Variants in BAZ1A observed in about 807,000 individuals in gnomAD.
The protein encoded by BAZ1A is bromodomain adjacent to zinc finger domain 1A, also known as bromodomain adjacent to zinc finger domain protein 1A.
A neutral mutation model predicts 185.2 loss-of-function variants in BAZ1A; 50 were observed. The observed-to-expected ratio is 0.27, with a 90% CI of 0.22 to 0.34. BAZ1A has a LOEUF of 0.34. Among genes scored for constraint, BAZ1A ranks in the 10% least tolerant of loss-of-function variants. BAZ1A has a pLI of 1.00. For missense variants in BAZ1A, 1,356 were observed against 1,839.9 expected, an observed-to-expected ratio of 0.74 and a Z score of 4.81; for synonymous variants, 571 against 615.6, an observed-to-expected ratio of 0.93 and a Z score of 1.07.
At chr14:34,867,759 C>T (rs187154248) in intron 2 of BAZ1A, among the ~76,000 whole-genome samples, 5 of 152,290 alleles carry the variant, frequency 3.3e-5, no homozygotes, top group Admixed American at 3.3e-4. Flanking sequence ...GTCATCTCTC[C>T]CCTACTCATA....
At chr14:34,757,580 G>A (rs1424680087) in intron 25 of BAZ1A, among the ~76,000 whole-genome samples, 2 of 149,540 alleles carry the variant, frequency 1.3e-5, no homozygotes, top group South Asian at 4.3e-4. Context: ...CAGGAGAATC[G>A]CTTGAACCCG....
intron 2 of BAZ1A, among the ~76,000 whole-genome samples, chr14:34,867,347 AC>A (rs2042877275): frequency 6.6e-6 from 1 of 152,188 alleles, no homozygotes; most frequent in South Asian, 2.1e-4. Context: ...GTACTTAATA[AC>A]CCATCTGGCC....
At chr14:34,777,261 A>G (rs1248773362) in intron 17 of BAZ1A, among the ~76,000 whole-genome samples, 1 of 152,246 alleles carries the variant, frequency 6.6e-6, no homozygotes, top group Non-Finnish European at 1.5e-5. Flanking sequence ...GCTGTGGTTC[A>G]ATGTAACTAT....
intron 23 of BAZ1A, among the ~76,000 whole-genome samples, 195 bp downstream of exon 23, chr14:34,764,512 G>C (rs530917914): frequency 6.6e-6 from 1 of 151,830 alleles, no homozygotes; most frequent in African/African-American, 2.4e-5. Context: ...GGCTGATCTC[G>C]AACTCCTGAC....
chr14:34,865,350 A>G (rs2042840516), intron 2 of BAZ1A, among the ~76,000 whole-genome samples: 1 of 152,136 alleles, frequency 6.6e-6, no homozygotes, highest in African/African-American at 2.4e-5. Flanking sequence ...CCTGCTTTAC[A>G]CTTTGTTCTA....
At chr14:34,767,152 T>G (rs909952663) in intron 21 of BAZ1A, among the ~76,000 whole-genome samples, 2 of 152,228 alleles carry the variant, frequency 1.3e-5, no homozygotes, top group Non-Finnish European at 2.9e-5. Context: ...TTGTTTTAGG[T>G]GTGTCTTTTG....
Position 34,762,136 on chromosome 14 carries a change from T to C in BAZ1A, c.3864A>G (p.Gln1288=), listed in dbSNP as rs953873684. 3 of 1,614,226 alleles carry C rather than the reference T, an allele frequency of 1.9e-6. No homozygotes were observed. Among genetic ancestry groups the C allele is most frequent in the South Asian group, 1.1e-5 (1 of 91,068 alleles). The change falls in exon 24 of 27, where the codon CAA becomes CAG. Residue 1288 remains glutamine (Q), a synonymous_variant. Transcript: ENST00000360310. ...LSSSFSSRGQ[Q]QEPGRYPSRS... is the part of the protein sequence containing the mutation. ...TTGAAGGGTATCTTCCAGGTTCTTGTTGTTGGCCACGACTTGAGAAAGAAG... is the reference window on the plus strand; with the variant it reads ...TTGAAGGGTATCTTCCAGGTTCTTGCTGTTGGCCACGACTTGAGAAAGAAG...
chr14:34,785,600 A>C (rs1458112262), intron 14 of BAZ1A, among the ~76,000 whole-genome samples, 177 bp downstream of exon 14: 1 of 152,254 alleles, frequency 6.6e-6, no homozygotes, highest in Non-Finnish European at 1.5e-5. Flanking sequence ...ATATTAGAAA[A>C]TCCAAATAAA....
intron 3 of BAZ1A, among the ~76,000 whole-genome samples, chr14:34,840,656 T>C (rs1377716459): frequency 1.3e-5 from 2 of 151,914 alleles, no homozygotes; most frequent in African/African-American, 2.4e-5. Flanking sequence ...CTACTCGGGA[T>C]GCTGAGGTGG....
At chr14:34,870,663 T>C (rs1034473631) in intron 2 of BAZ1A, among the ~76,000 whole-genome samples, 5 of 152,238 alleles carry the variant, frequency 3.3e-5, no homozygotes, top group Admixed American at 6.5e-5. Context: ...TCTTAATGCA[T>C]ACTTCAACAG....
chr14:34,846,428 T>C (rs1228093932), intron 3 of BAZ1A, among the ~76,000 whole-genome samples: 1 of 152,218 alleles, frequency 6.6e-6, no homozygotes, highest in Non-Finnish European at 1.5e-5. Context: ...ATGCTCCTGA[T>C]AGCCACTACA....
At chr14:34,787,560 G>A (rs962103145) in intron 12 of BAZ1A, among the ~76,000 whole-genome samples, 1 of 151,762 alleles carries the variant, frequency 6.6e-6, no homozygotes, top group Non-Finnish European at 1.5e-5. Context: ...GCACATGTCT[G>A]TAATCCCAGC....
chr14:34,869,925 A>G (rs1453673838), intron 2 of BAZ1A, among the ~76,000 whole-genome samples: 1 of 152,182 alleles, frequency 6.6e-6, no homozygotes, highest in Non-Finnish European at 1.5e-5. Context: ...GAAAGACCAC[A>G]CGGTAACTAA....
intron 14 of BAZ1A, 50 bp downstream of exon 14, chr14:34,785,727 A>G (rs1376110231): frequency 2.0e-6 from 3 of 1,530,260 alleles, no homozygotes; most frequent in Non-Finnish European, 1.8e-6. Context: ...TTCTGGGCAT[A>G]AGAGGGAGGA....
intron 3 of BAZ1A, among the ~76,000 whole-genome samples, chr14:34,828,110 G>C (rs1038342473): frequency 6.6e-6 from 1 of 151,738 alleles, no homozygotes; most frequent in African/African-American, 2.4e-5. Context: ...GCCTGACATG[G>C]AGAAACCCTG....
chr14:34,797,824 G>A (rs562684400), intron 9 of BAZ1A, among the ~76,000 whole-genome samples: 34 of 152,128 alleles, frequency 2.2e-4, no homozygotes, highest in Middle Eastern at 3.4e-3. Context: ...AGGGCGAGCC[G>A]AAGCAGGGCG....
chr14:34,761,502 C>G (rs1219620058), intron 24 of BAZ1A, among the ~76,000 whole-genome samples: 3 of 152,076 alleles, frequency 2.0e-5, no homozygotes, highest in African/African-American at 7.2e-5. Context: ...AAATATTGGC[C>G]AAATATCTCC....
chr14:34,834,757 C>T, intron 3 of BAZ1A, among the ~76,000 whole-genome samples: 1 of 152,156 alleles, frequency 6.6e-6, no homozygotes, highest in East Asian at 1.9e-4. Flanking sequence ...ATGTCTTTCA[C>T]AGCTACTTGC....
intron 2 of BAZ1A, among the ~76,000 whole-genome samples, chr14:34,866,047 G>T (rs1055829343): frequency 1.3e-5 from 2 of 152,022 alleles, no homozygotes; most frequent in African/African-American, 4.8e-5. Flanking sequence ...AAAAAAATTA[G>T]CCAGGGGGCG....
Sources: allele counts gnomAD v4.1 joint callset (sites outside exome capture counted in the v4.1 genomes callset), GRCh38; gene constraint gnomAD v4.1.1; transcripts MANE v1.5; gene names NCBI Gene and HGNC (gene_info 2026-07-23, HGNC 2026-07-21).